LRBA: variants seen among roughly 807,000 people sequenced by gnomAD.
LRBA encodes LPS responsive beige-like anchor protein, also known as lipopolysaccharide-responsive and beige-like anchor protein.
In LRBA, 176 loss-of-function variants were observed where a neutral mutation model predicts 330.0. The observed-to-expected ratio is 0.53, with a 90% CI of 0.47 to 0.60. The LOEUF is 0.60. Ranked by LOEUF, LRBA falls within the 20% of genes least tolerant of loss-of-function variation. LRBA has a pLI of 0.00. For missense variants in LRBA, 3,259 were observed against 3,444.8 expected, an observed-to-expected ratio of 0.95 and a Z score of 1.35; for synonymous variants, 1,230 against 1,193.0, an observed-to-expected ratio of 1.03 and a Z score of -0.64.
At chr4:150,951,687 T>C (rs1736853491) in intron 2 of LRBA, among the ~76,000 whole-genome samples, 1 of 152,196 alleles carries the variant, frequency 6.6e-6, no homozygotes, top group African/African-American at 2.4e-5. Context: ...ATTTTTTCCA[T>C]ATATAAATCC....
chr4:150,711,249 T>C (rs1486441793), intron 36 of LRBA, among the ~76,000 whole-genome samples: 4 of 151,950 alleles, frequency 2.6e-5, no homozygotes, highest in Admixed American at 1.3e-4. Flanking sequence ...TTTTTTTTTT[T>C]TTTTGAGAAA....
At chr4:150,884,430 A>AAG (rs1728732545) in intron 17 of LRBA, among the ~76,000 whole-genome samples, 1 of 152,204 alleles carries the variant, frequency 6.6e-6, no homozygotes, top group Non-Finnish European at 1.5e-5. Flanking sequence ...AAGGGAAGGC[A>AAG]AGAGAGACTA....
At chr4:151,002,904 C>CT (rs1358059848) in intron 2 of LRBA, among the ~76,000 whole-genome samples, 3 of 152,024 alleles carry the variant, frequency 2.0e-5, no homozygotes, top group East Asian at 3.9e-4. Flanking sequence ...GTCCCAGCTA[C>CT]TCAGGAGGCT....
chr4:150,897,279 A>G (rs902765694), intron 15 of LRBA, among the ~76,000 whole-genome samples: 2 of 152,000 alleles, frequency 1.3e-5, no homozygotes, highest in Admixed American at 6.5e-5. Context: ...CTTTTTTAGA[A>G]TATTAAATTT....
At chr4:150,547,276 C>A (rs76679808) in intron 40 of LRBA, among the ~76,000 whole-genome samples, 2,853 of 152,134 alleles carry the variant, frequency 0.019, 38 homozygotes, top group Non-Finnish European at 0.032. Flanking sequence ...CTCCTTCCAA[C>A]ACTATTACTC....
chr4:150,351,838 C>G (rs1401771094), intron 47 of LRBA, among the ~76,000 whole-genome samples: 1 of 152,126 alleles, frequency 6.6e-6, no homozygotes, highest in African/African-American at 2.4e-5. Context: ...TACATAAATA[C>G]CTATGATAAA....
intron 47 of LRBA, among the ~76,000 whole-genome samples, chr4:150,385,450 C>T (rs919850338): frequency 6.6e-6 from 1 of 151,958 alleles, no homozygotes; most frequent in African/African-American, 2.4e-5. Context: ...TTTTCTATTA[C>T]AAGTATCTGC....
chr4:150,647,557 C>A (rs1038115841), intron 37 of LRBA, among the ~76,000 whole-genome samples: 6 of 151,518 alleles, frequency 4.0e-5, no homozygotes, highest in Non-Finnish European at 8.8e-5. Flanking sequence ...ACATACCCAG[C>A]TAATTTTTTT....
At chr4:150,874,684 A>G (rs1428156876) in intron 17 of LRBA, among the ~76,000 whole-genome samples, 5 of 152,090 alleles carry the variant, frequency 3.3e-5, no homozygotes, top group Admixed American at 6.6e-5. Flanking sequence ...CTCCACTCTC[A>G]GGCAGAAATC....
At chr4:150,799,766 A>T (rs370943642) in intron 33 of LRBA, among the ~76,000 whole-genome samples, 2 of 152,144 alleles carry the variant, frequency 1.3e-5, no homozygotes, top group African/African-American at 2.4e-5. Flanking sequence ...ATTTTTTGAG[A>T]CGTTGTCTCG....
rs535900041 is a variant in LRBA, at chr4:150,356,746, A to C, written c.7195-6587T>G. ...AGGTAAAACACAATGGAAATATTTA[A>C]TAAACTAAAATCCATGAATATGAGC... is the stretch of plus-strand genomic sequence containing the variant. On this transcript the variant is annotated intron_variant, in intron 47 of 56. Transcript: ENST00000651943. Among the ~76,000 whole-genome samples the C allele has an allele frequency of 2.6e-5, 4 of 152,142 alleles. No homozygotes were observed. In the South Asian group the frequency reaches 8.3e-4, roughly 31 times the overall value.
intron 40 of LRBA, among the ~76,000 whole-genome samples, chr4:150,549,454 C>T (rs1457310023): frequency 6.6e-6 from 1 of 152,016 alleles, no homozygotes; most frequent in African/African-American, 2.4e-5. Context: ...GCCTCAGCCT[C>T]CCGAGTAGCT....
chr4:150,734,722 C>T (rs1289978209), intron 36 of LRBA, among the ~76,000 whole-genome samples: 1 of 152,108 alleles, frequency 6.6e-6, no homozygotes, highest in East Asian at 1.9e-4. Context: ...GCAATGGTCC[C>T]AGGATGAGTT....
chr4:150,788,232 C>A, intron 34 of LRBA, among the ~76,000 whole-genome samples: 1 of 147,172 alleles, frequency 6.8e-6, no homozygotes, highest in Non-Finnish European at 1.5e-5. Context: ...ACTACCACAC[C>A]CGGTTAATTT....
chr4:150,274,841 T>C (rs1010047513), intron 56 of LRBA, among the ~76,000 whole-genome samples: 1 of 152,182 alleles, frequency 6.6e-6, no homozygotes, highest in African/African-American at 2.4e-5. Flanking sequence ...CACAGCCAAT[T>C]TCTACCAGAG....
intron 42 of LRBA, among the ~76,000 whole-genome samples, chr4:150,483,464 T>G (rs1757525094): frequency 6.6e-6 from 1 of 150,630 alleles, no homozygotes; most frequent in African/African-American, 2.4e-5. Flanking sequence ...TCACTTAAAT[T>G]TTAGAATCAG....
intron 2 of LRBA, among the ~76,000 whole-genome samples, chr4:150,950,715 TA>T (rs1736743677): frequency 6.6e-6 from 1 of 152,196 alleles, no homozygotes; most frequent in African/African-American, 2.4e-5. Flanking sequence ...TTCACTGTAA[TA>T]GACAATGTTG....
Position 150,587,979 on chromosome 4 carries a change from A to G in LRBA, c.6330+69T>C, listed in dbSNP as rs1772326629. ...CAAACTAAGCCTGTCAGATTTACCA[A>G]TCCCAATCCTATCCAACAGCACCCA... On this transcript the variant is annotated intron_variant, in intron 40 of 56. Transcript: ENST00000651943. The G allele has an allele frequency of 4.0e-6, 6 of 1,517,630 alleles. No individual in the cohort carries two copies. The East Asian group carries it at 6.9e-5, about 18-fold the overall frequency. The allele number at this position is 1,517,630 out of a possible 1,614,324, so 94.0% of individuals were successfully genotyped here. A position where few individuals can be genotyped will look rare whatever the true frequency, so the allele number is the denominator to read the frequency against.
intron 40 of LRBA, among the ~76,000 whole-genome samples, chr4:150,560,710 G>C (rs1397293436): frequency 6.6e-6 from 1 of 152,146 alleles, no homozygotes; most frequent in Non-Finnish European, 1.5e-5. Context: ...CTATCGGCCG[G>C]GCACAGTGGC....
Sources: allele counts gnomAD v4.1 joint callset (sites outside exome capture counted in the v4.1 genomes callset), GRCh38; gene constraint gnomAD v4.1.1; transcripts MANE v1.5; gene names NCBI Gene and HGNC (gene_info 2026-07-23, HGNC 2026-07-21).